KLHL25: variants seen among roughly 807,000 people sequenced by gnomAD.
The protein encoded by KLHL25 is kelch-like protein 25.
Under a neutral mutation model 30.0 loss-of-function variants are expected in KLHL25, and 41 were observed. That is an observed-to-expected ratio of 1.37 (90% CI 1.07 to 1.78). The LOEUF (loss-of-function observed/expected upper bound fraction) is 1.78. Among genes scored for constraint, KLHL25 ranks in the 40% most tolerant of loss-of-function variants. KLHL25 has a pLI of 0.00. For missense variants in KLHL25, 971 were observed against 824.5 expected (o/e 1.18, Z -2.18); for synonymous variants, 399 against 355.3 (o/e 1.12, Z -1.38).
rs2089654205 is a variant in KLHL25, at chr15:85,769,512, A to T, written c.299T>A (p.Leu100Gln). 1 of 1,614,002 alleles carries T rather than the reference A, an allele frequency of 6.2e-7. No homozygotes were observed. The change falls in exon 2 of 3, where the codon CTG becomes CAG. Residue 100 changes from leucine to glutamine, a missense_variant. Physicochemically the swap from Leu to Gln is moderately radical, Grantham distance 113. Transcript: ENST00000337975. ...TGAGGAGTAGGCAAAGTCCAGCAGC[A>T]GCTCCAGCACCTCCGGGTGCAGGTT... ...QDNLHPEVLE[L>Q]LLDFAYSSRI...
rs1178514449 is a variant in KLHL25, at chr15:85,789,040, C to T, written c.-11+5726G>A. ...GGAGTTTGAATGAGCACAGCTTCTC[C>T]TTATCTTAATTAGGAAATTAATTCT... is the stretch of plus-strand genomic sequence containing the variant. On this transcript the variant is annotated intron_variant, in intron 1 of 2. Transcript: ENST00000337975. This position sits in a 1 kb window ranked among gnomAD's most constrained non-coding sequence, Gnocchi z 4.1. Among the ~76,000 whole-genome samples, 1 of 152,244 alleles carries T rather than the reference C, an allele frequency of 6.6e-6. No individual in the cohort carries two copies. The highest frequency in any genetic ancestry group is 1.5e-5 in the Non-Finnish European group (1 of 68,044).
intron 2 of KLHL25, chr15:85,764,490 G>C (rs966781907): frequency 6.6e-6 from 1 of 152,350 alleles, no homozygotes; most frequent in Non-Finnish European, 1.5e-5. Flanking sequence ...ACGCCTTGGG[G>C]ACATGGCTCT....
At position 85,761,554 on chromosome 15, in the gene KLHL25, G is replaced by A. The variant is rs766231301; in HGVS notation, c.*25-543C>T. The stretch of plus-strand genomic sequence containing the variant: ...CACCCCACCCCCACCCCAGGCTCTT[G>A]GCTCTTTGTCCTTGGGCTGAGGTCT... On this transcript the variant is annotated intron_variant, in intron 2 of 2. Coordinates refer to ENST00000337975, the MANE Select transcript of KLHL25 (RefSeq NM_022480.4). 2.1e-4 allele frequency: 25 copies of A among 116,976 alleles called. No homozygotes were observed. The Admixed American group carries it at 3.1e-3, about 15-fold the overall frequency. 7.2% of individuals were successfully genotyped at this position (116,976 alleles called of 1,614,324 possible).
chr15:85,762,346 G>A (rs1597269556), intron 2 of KLHL25: 1 of 152,412 alleles, frequency 6.6e-6, no homozygotes, highest in Non-Finnish European at 1.5e-5. Flanking sequence ...ACCTGGGGGT[G>A]TCCCCCAAGG....
At chr15:85,794,651 G>C (rs2089840604) in intron 1 of KLHL25, 115 bp downstream of exon 1, 1 of 152,102 alleles carries the variant, frequency 6.6e-6, no homozygotes, top group Non-Finnish European at 1.5e-5. Context: ...AGTCCCGCGG[G>C]GGCTCCGAGC....
At position 85,769,471 on chromosome 15, in the gene KLHL25, C is replaced by T. The variant is rs2089653599; in HGVS notation, c.340G>A (p.Glu114Lys). The T allele has an allele frequency of 3.7e-6, 6 of 1,614,026 alleles. No homozygotes were observed. The highest frequency in any genetic ancestry group is 3.3e-5 in the South Asian group (3 of 91,082). ...TCCAGCAGTGACTCAGCGTTCTCCT[C>T]GTTGATGGCGATGCGTGAGGAGTAG... ...FAYSSRIAIN[E>K]ENAESLLEAG... The change falls in exon 2 of 3, where the codon GAG becomes AAG. Residue 114 changes from glutamate to lysine, a missense_variant. Glu to Lys is a moderately conservative substitution (Grantham distance 56). Transcript: ENST00000337975.
At chr15:85,781,227 C>G (rs1277491811) in intron 1 of KLHL25, among the ~76,000 whole-genome samples, 1 of 152,194 alleles carries the variant, frequency 6.6e-6, no homozygotes, top group Non-Finnish European at 1.5e-5. Context: ...CTTTTGTACT[C>G]AGTGGCATTC....
intron 1 of KLHL25, among the ~76,000 whole-genome samples, chr15:85,785,628 A>T (rs962401905): frequency 6.6e-6 from 1 of 151,764 alleles, no homozygotes; most frequent in Non-Finnish European, 1.5e-5. Flanking sequence ...AAAGCCACCC[A>T]GCAACCAGGG....
intron 1 of KLHL25, chr15:85,770,400 G>A: frequency 6.2e-6 from 3 of 481,834 alleles, no homozygotes; most frequent in South Asian, 4.5e-5. Context: ...CGCCCAAGCA[G>A]AGCCTCACGT....
chr15:85,765,052 G>C (rs1430634118), intron 2 of KLHL25, among the ~76,000 whole-genome samples: 1 of 152,184 alleles, frequency 6.6e-6, no homozygotes, highest in Non-Finnish European at 1.5e-5. Context: ...CCTCTGACCT[G>C]GAGGGTAGGC....
At chr15:85,785,359 C>T (rs1405515879) in intron 1 of KLHL25, among the ~76,000 whole-genome samples, 1 of 152,172 alleles carries the variant, frequency 6.6e-6, no homozygotes, top group Non-Finnish European at 1.5e-5. Context: ...TCCCAAAGTG[C>T]TGGGATTACA....
intron 1 of KLHL25, among the ~76,000 whole-genome samples, chr15:85,793,807 C>T (rs557680087): frequency 9.3e-4 from 141 of 152,258 alleles, no homozygotes; most frequent in African/African-American, 3.3e-3. Flanking sequence ...CCCGCCTTCC[C>T]CAAGGTCAAA....
chr15:85,786,250 G>A (rs1424620101), intron 1 of KLHL25, among the ~76,000 whole-genome samples: 1 of 152,106 alleles, frequency 6.6e-6, no homozygotes, highest in African/African-American at 2.4e-5. Flanking sequence ...AGTAGGTCAG[G>A]CTGGCTGGGA....
At chr15:85,761,265 A>G (rs1171694830) in intron 2 of KLHL25, 2 of 152,198 alleles carry the variant, frequency 1.3e-5, no homozygotes, top group African/African-American at 4.8e-5. Flanking sequence ...CACATTACGT[A>G]TTCTCAGTGC....
intron 1 of KLHL25, among the ~76,000 whole-genome samples, chr15:85,771,447 A>G (rs1054836883): frequency 1.3e-5 from 2 of 152,264 alleles, no homozygotes; most frequent in Non-Finnish European, 2.9e-5. Flanking sequence ...AAACGATTTC[A>G]TGCTTCAGTG....
At chr15:85,775,864 TAAAAAAAAA>T (rs10535328) in intron 1 of KLHL25, among the ~76,000 whole-genome samples, 16 of 89,050 alleles carry the variant, frequency 1.8e-4, no homozygotes, top group African/African-American at 7.0e-4. Context: ...ATGGCTCGTT[TAAAAAAAAA>T]AAAAAAAAAA....
intron 2 of KLHL25, among the ~76,000 whole-genome samples, chr15:85,766,750 G>A (rs913573675): frequency 5.3e-5 from 8 of 152,146 alleles, no homozygotes; most frequent in African/African-American, 7.2e-5. Context: ...ACAGACACTC[G>A]CTCTGCAGGA....
At chr15:85,787,123 A>G (rs769392675) in intron 1 of KLHL25, among the ~76,000 whole-genome samples, 1 of 74,192 alleles carries the variant, frequency 1.3e-5, no homozygotes, top group Non-Finnish European at 2.5e-5. Flanking sequence ...ACCCCATCAC[A>G]TTAGCTAAAA....
At position 85,759,444 on chromosome 15, in the gene KLHL25, C is replaced by A. The variant is rs1416329105; in HGVS notation, c.*1592G>T. On this transcript the variant is annotated 3_prime_UTR_variant, in exon 3 of 3. Coordinates refer to ENST00000337975, the MANE Select transcript of KLHL25 (RefSeq NM_022480.4). ...AGTGTGCTTTATCTCAATGAAGCAA[C>A]CCCACGGGTCCAGGCACCCTCCCTG... 6.6e-6 allele frequency: 1 copy of A among 152,524 alleles called. No homozygotes were observed. Among genetic ancestry groups the A allele is most frequent in the Non-Finnish European group, 1.5e-5 (1 of 68,050 alleles). 9.4% of individuals were successfully genotyped at this position (152,524 alleles called of 1,614,324 possible).
Sources: allele counts gnomAD v4.1 joint callset (sites outside exome capture counted in the v4.1 genomes callset), GRCh38; gene constraint gnomAD v4.1.1; non-coding constraint Gnocchi (gnomAD v3.1); transcripts MANE v1.5; gene names NCBI Gene and HGNC (gene_info 2026-07-23, HGNC 2026-07-21).